Variants in ZNF471 observed in about 807,000 individuals in gnomAD.
ZNF471 encodes the protein zinc finger protein 471.
Under a neutral mutation model 13.7 loss-of-function variants are expected in ZNF471, and 7 were observed. The ratio of observed to expected loss-of-function variants is 0.51; its 90% CI spans 0.29 to 0.96. ZNF471 has a LOEUF of 0.96. ZNF471 is among the 40% of genes least tolerant of loss of function. The probability of loss-of-function intolerance (pLI) is 0.08; values close to 1 mark genes in which losing one functional copy is unlikely to be tolerated. For synonymous variants in ZNF471, 218 were observed against 235.6 expected (o/e 0.93, Z 0.68); for missense variants, 663 against 743.3 (o/e 0.89, Z 1.26).
At chr19:56,514,785 T>G (rs2043858884) in intron 2 of ZNF471, among the ~76,000 whole-genome samples, 1 of 152,230 alleles carries the variant, frequency 6.6e-6, no homozygotes, top group Admixed American at 6.5e-5. Flanking sequence ...CTGTACTGTT[T>G]GTAAGGAAGT....
chr19:56,523,545 G>A (rs1003264188), intron 4 of ZNF471, among the ~76,000 whole-genome samples: 1 of 152,172 alleles, frequency 6.6e-6, no homozygotes, highest in Admixed American at 6.5e-5. Context: ...ATTATGAAAA[G>A]ATAACCATAG....
rs1346709785 is a variant in ZNF471, at chr19:56,525,602, A to G, written c.1535A>G (p.Glu512Gly). The G allele has an allele frequency of 6.2e-7, 1 of 1,614,160 alleles. No individual in the cohort carries two copies. The highest frequency in any genetic ancestry group is 8.5e-7 in the Non-Finnish European group (1 of 1,180,012). The part of the protein sequence containing the change: ...LATHQRIHTG[E>G]KPYECIECGN... ...ACTCATCAGAGAATTCATACTGGAG[A>G]GAAGCCTTATGAATGTATTGAATGT... Residue 512 changes from glutamate to glycine, a missense_variant, in exon 5 of 5, where the codon GAG becomes GGG. Glu to Gly is a moderately conservative substitution (Grantham distance 98). Transcript: ENST00000308031.
In ZNF471 at chr19:56,525,151, A is replaced by G. The variant is rs756981115; in HGVS notation, c.1084A>G (p.Ile362Val). The G allele has an allele frequency of 6.2e-7, 1 of 1,614,180 alleles. No individual in the cohort carries two copies. Among genetic ancestry groups the G allele is most frequent in the Non-Finnish European group, 8.5e-7 (1 of 1,180,020 alleles). Reference sequence around the variant, plus strand: ...GGCTTTTAGGTATAACACATCTTTTATTCGTCACTGGAGGAGTTATCATAC... The same window carrying G: ...GGCTTTTAGGTATAACACATCTTTTGTTCGTCACTGGAGGAGTTATCATAC... ...GKAFRYNTSF[I>V]RHWRSYHTGE... The change falls in exon 5 of 5, where the codon ATT (isoleucine) becomes GTT (valine). Residue 362 changes from isoleucine to valine, a missense_variant. By Grantham distance (29) the Ile-to-Val change is conservative (BLOSUM62 3). Transcript: ENST00000308031.
chr19:56,521,564 G>A (rs912305618), intron 4 of ZNF471, among the ~76,000 whole-genome samples: 7 of 150,196 alleles, frequency 4.7e-5, no homozygotes, highest in Admixed American at 1.3e-4. Context: ...GCATGAACCC[G>A]GGAGGCAGAA....
intron 4 of ZNF471, among the ~76,000 whole-genome samples, chr19:56,519,142 G>GCTACT (rs2043934772): frequency 6.6e-6 from 1 of 152,056 alleles, no homozygotes; most frequent in African/African-American, 2.4e-5. Flanking sequence ...GTGAGTTACA[G>GCTACT]GTATACCAAG....
At position 56,529,393 on chromosome 19, in the gene ZNF471, T is replaced by C. The variant is rs1412864143; in HGVS notation, c.*3445T>C. On this transcript the variant is annotated 3_prime_UTR_variant, in exon 5 of 5. Coordinates refer to ENST00000308031, the MANE Select transcript of ZNF471 (RefSeq NM_020813.4). Reference sequence around the variant, plus strand: ...GAGGTTAAGATGGTAGAGGAGAATGTAGAGTATTTCTGTGCCTTTAGGTTC... The same window carrying C: ...GAGGTTAAGATGGTAGAGGAGAATGCAGAGTATTTCTGTGCCTTTAGGTTC... 1 of 152,080 alleles carries C rather than the reference T, an allele frequency of 6.6e-6. No homozygotes were observed. The highest frequency in any genetic ancestry group is 1.5e-5 in the Non-Finnish European group (1 of 68,028). The allele number at this position is 152,080 out of a possible 1,614,324, so 9.4% of individuals were successfully genotyped here.
chr19:56,516,136 G>T lies in ZNF471; in HGVS notation c.34-139G>T, dbSNP rs181539789. The T allele has an allele frequency of 3.7e-6, 3 of 800,642 alleles. No individual in the cohort carries two copies. Among genetic ancestry groups the T allele is most frequent in the African/African-American group, 3.5e-5 (2 of 57,590 alleles). 49.6% of individuals were successfully genotyped at this position (800,642 alleles called of 1,614,324 possible). On this transcript the variant is annotated intron_variant, in intron 2 of 4. Transcript: ENST00000308031. The surrounding 1 kb of genome is among the most constrained non-coding windows in gnomAD (Gnocchi z 4.4). ...GCAGTTAAACACTTCCATAAGTACTGTTTTGGCTTGGATCTTCCTATTTAT... is the reference window on the plus strand; with the variant it reads ...GCAGTTAAACACTTCCATAAGTACTTTTTTGGCTTGGATCTTCCTATTTAT...
At chr19:56,512,075 T>C (rs2043819603) in intron 2 of ZNF471, among the ~76,000 whole-genome samples, 2 of 152,010 alleles carry the variant, frequency 1.3e-5, no homozygotes, top group Non-Finnish European at 2.9e-5. Context: ...ACCAACCTCA[T>C]TCGTTCACCT....
chr19:56,513,768 T>C (rs554720689), intron 2 of ZNF471, among the ~76,000 whole-genome samples: 1 of 152,248 alleles, frequency 6.6e-6, no homozygotes, highest in African/African-American at 2.4e-5. Flanking sequence ...ATGCCTCATT[T>C]TGGGTTTAGT....
chr19:56,525,369 T>G lies in ZNF471; in HGVS notation c.1302T>G (p.Asp434Glu). Residue 434 changes from aspartate (D) to glutamate (E), a missense_variant, in exon 5 of 5, where the codon GAT becomes GAG. By Grantham distance (45) the Asp-to-Glu change is conservative. Transcript: ENST00000308031. Reference protein sequence around the residue: ...IHTGEKPYECDICGKDFSHHA... With the variant: ...IHTGEKPYECEICGKDFSHHA... ...CAGGAGAGAAACCTTATGAATGTGATATATGTGGGAAAGATTTTAGCCATC... is the reference window on the plus strand; with the variant it reads ...CAGGAGAGAAACCTTATGAATGTGAGATATGTGGGAAAGATTTTAGCCATC... 6.2e-7 allele frequency: 1 copy of G among 1,614,044 alleles called. No individual in the cohort carries two copies. The highest frequency in any genetic ancestry group is 8.5e-7 in the Non-Finnish European group (1 of 1,179,978).
chr19:56,524,737 C>A lies in ZNF471; in HGVS notation c.670C>A (p.His224Asn). 6.2e-7 allele frequency: 1 copy of A among 1,604,066 alleles called. No homozygotes were observed. Among genetic ancestry groups the A allele is most frequent in the Non-Finnish European group, 8.5e-7 (1 of 1,176,780 alleles). ...TFTHSSSLTV[H>N]FRIHTGEKPY... ...CACCCATAGCTCATCCCTTACTGTT[C>A]ATTTTAGAATTCATACTGGTGAAAA... The change falls in exon 5 of 5, where the codon CAT (histidine) becomes AAT (asparagine). Residue 224 changes from histidine (H) to asparagine (N), a missense_variant. Coordinates refer to ENST00000308031, the MANE Select transcript of ZNF471 (RefSeq NM_020813.4). The surrounding 1 kb of genome is among the most constrained non-coding windows in gnomAD (Gnocchi z 4.8).
chr19:56,524,877 C>T lies in ZNF471; in HGVS notation c.810C>T (p.Ala270=), dbSNP rs1288635742. The T allele has an allele frequency of 8.7e-6, 14 of 1,610,884 alleles. No homozygotes were observed. Among genetic ancestry groups the T allele is most frequent in the Non-Finnish European group, 1.2e-5 (14 of 1,178,586 alleles). The part of the protein sequence containing the change: ...KLFECKECRK[A]FKQSEHLIQH... Reference sequence around the variant, plus strand: ...TTGAATGTAAAGAATGTAGGAAAGCCTTCAAACAAAGTGAACACCTTATTC... The same window carrying T: ...TTGAATGTAAAGAATGTAGGAAAGCTTTCAAACAAAGTGAACACCTTATTC... The change falls in exon 5 of 5, where the codon GCC becomes GCT. Residue 270 remains alanine (A), a synonymous_variant. Transcript: ENST00000308031. This position sits in a 1 kb window ranked among gnomAD's most constrained non-coding sequence, Gnocchi z 4.8.
At chr19:56,521,575 C>G (rs554557911) in intron 4 of ZNF471, among the ~76,000 whole-genome samples, 1 of 139,004 alleles carries the variant, frequency 7.2e-6, no homozygotes, top group South Asian at 2.4e-4. Context: ...GGAGGCAGAA[C>G]TTGCAGTGAG....
At position 56,522,552 on chromosome 19, in the gene ZNF471, G is replaced by C. The variant is rs1270333382; in HGVS notation, c.257-1772G>C. Among the ~76,000 whole-genome samples the C allele has an allele frequency of 6.6e-6, 1 of 152,046 alleles. No individual in the cohort carries two copies. Among genetic ancestry groups the C allele is most frequent in the African/African-American group, 2.4e-5 (1 of 41,384 alleles). On this transcript the variant is annotated intron_variant, in intron 4 of 4. Coordinates refer to ENST00000308031, the MANE Select transcript of ZNF471 (RefSeq NM_020813.4). This position sits in a 1 kb window ranked among gnomAD's most constrained non-coding sequence, Gnocchi z 4.1. ...GAAATATTGGATTAGTCGATGATTT[G>C]CTATGGATGACATAGAAAAGGAAAG...
Position 56,516,622 on chromosome 19 carries a change from CAA to C in ZNF471, c.160+222_160+223del, listed in dbSNP as rs2043892361. On this transcript the variant is annotated intron_variant, in intron 3 of 4. Coordinates refer to ENST00000308031, the MANE Select transcript of ZNF471 (RefSeq NM_020813.4). The surrounding 1 kb of genome is among the most constrained non-coding windows in gnomAD (Gnocchi z 4.4). ...TACACCCTTAAGGCAATTGGGAACA[CAA>C]GACACAATGTGAATCTCACCAGTCT... Among the ~76,000 whole-genome samples, 1 of 152,190 alleles carries C rather than the reference CAA, an allele frequency of 6.6e-6. No individual in the cohort carries two copies. Among genetic ancestry groups the C allele is most frequent in the South Asian group, 2.1e-4 (1 of 4,830 alleles).
chr19:56,525,959 C>T lies in ZNF471; in HGVS notation c.*11C>T. 1 of 1,537,044 alleles carries T rather than the reference C, an allele frequency of 6.5e-7. No individual in the cohort carries two copies. The highest frequency in any genetic ancestry group is 8.7e-7 in the Non-Finnish European group (1 of 1,145,800). On this transcript the variant is annotated 3_prime_UTR_variant, in exon 5 of 5. Transcript: ENST00000308031. ...GGAGAAGAACCTTAAGAATGTAGTG[C>T]ATGTGGCCAAGCCTTTAGTTATCAC...
At chr19:56,515,065 T>A (rs969236741) in intron 2 of ZNF471, among the ~76,000 whole-genome samples, 1 of 152,204 alleles carries the variant, frequency 6.6e-6, no homozygotes, top group African/African-American at 2.4e-5. Context: ...CTTCATTGGT[T>A]ATAGCATTAT....
At chr19:56,523,295 C>T (rs2043997831) in intron 4 of ZNF471, among the ~76,000 whole-genome samples, 1 of 151,624 alleles carries the variant, frequency 6.6e-6, no homozygotes, top group Non-Finnish European at 1.5e-5. Context: ...TGCTTAAGCC[C>T]AGGAGTTAGT....
Position 56,525,084 on chromosome 19 carries a change from TCA to T in ZNF471, c.1021_1022del (p.Thr341TrpfsTer6). 1 of 1,613,974 alleles carries T rather than the reference TCA, an allele frequency of 6.2e-7. No individual in the cohort carries two copies. The highest frequency in any genetic ancestry group is 1.7e-4 in the Middle Eastern group (1 of 6,060). On this transcript the variant is annotated frameshift_variant, in exon 5 of 5. Transcript: ENST00000308031. LOFTEE classifies it low-confidence loss of function (END_TRUNC). ...CGTCTTTTGCTCGACATCAGAGATGTCACACTGGCAAAAGACCCTATGAATGT... is the reference window on the plus strand; with the variant it reads ...CGTCTTTTGCTCGACATCAGAGATGTCACTGGCAAAAGACCCTATGAATGT... ...GSSFARHQRC[H>X]TGKRPYECIE...
Sources: gnomAD v4.1 joint callset for allele counts (sites outside exome capture counted in the v4.1 genomes callset) on GRCh38, gnomAD v4.1.1 for gene constraint, Gnocchi (gnomAD v3.1) non-coding constraint, MANE v1.5 for transcripts, NCBI Gene and HGNC (gene_info 2026-07-23, HGNC 2026-07-21) for gene names.